Variants in U2SURP observed in about 807,000 individuals in gnomAD.
U2SURP encodes the protein U2 snRNP associated SURP domain containing, also known as U2 snRNP-associated SURP motif-containing protein.
U2SURP carries 9 observed loss-of-function variants against 144.9 expected under a neutral mutation model. The observed-to-expected ratio is 0.06, with a 90% confidence interval of 0.04 to 0.11. The LOEUF is 0.11. Among genes scored for constraint, U2SURP ranks in the 10% least tolerant of loss-of-function variants. The pLI is 1.00. For synonymous variants in U2SURP, 408 were observed against 396.8 expected (o/e 1.03, Z -0.33); for missense variants, 724 against 1,226.7 (o/e 0.59, Z 6.12).
chr3:143,022,033 G>A (rs1936662052), intron 10 of U2SURP, among the ~76,000 whole-genome samples: 1 of 152,140 alleles, frequency 6.6e-6, no homozygotes, highest in African/African-American at 2.4e-5. Context: ...ACTGTTACCT[G>A]TTTTCTCTGC....
In U2SURP at chr3:143,056,519, TAAAAAAAC is replaced by T; in HGVS notation, c.*76_*83del. The T allele has an allele frequency of 6.4e-7, 1 of 1,554,862 alleles. No homozygotes were observed. Among genetic ancestry groups the T allele is most frequent in the Non-Finnish European group, 8.7e-7 (1 of 1,152,280 alleles). On this transcript the variant is annotated 3_prime_UTR_variant, in exon 28 of 28. Coordinates refer to ENST00000473835, the MANE Select transcript of U2SURP (RefSeq NM_001080415.2). ...TTTTGTGCCTGAACGGTCTGTTTTT[TAAAAAAAC>T]AAAAAATCAAATGAAAGAGCATTCC...
chr3:143,042,234 G>T (rs1195466487), intron 23 of U2SURP, among the ~76,000 whole-genome samples: 1 of 152,020 alleles, frequency 6.6e-6, no homozygotes, highest in Non-Finnish European at 1.5e-5. Flanking sequence ...GCAACTTTCA[G>T]AATCAACTGA....
rs540962371 is a variant in U2SURP, at chr3:143,010,669, A to G, written c.46-146A>G. 985 of 486,906 alleles carry G rather than the reference A, an allele frequency of 2.0e-3. 4 individuals are homozygous for G. The highest frequency in any genetic ancestry group is 1.8e-3 in the Non-Finnish European group (498 of 277,040). The allele number at this position is 486,906 out of a possible 1,614,324, so 30.2% of individuals were successfully genotyped here. ...TTACTTTGTATCACAATCTTTTCAT[A>G]AGTCAGAGACTGCCTTTGCTCAGTT... On this transcript the variant is annotated intron_variant, in intron 1 of 27. Coordinates refer to ENST00000473835, the MANE Select transcript of U2SURP (RefSeq NM_001080415.2).
intron 22 of U2SURP, 92 bp downstream of exon 22, chr3:143,038,295 T>C (rs1933918572): frequency 1.1e-6 from 1 of 904,736 alleles, no homozygotes; most frequent in African/African-American, 1.7e-5. Context: ...TTATGTTTTA[T>C]AACACGTTTT....
chr3:143,031,246 A>G lies in U2SURP; in HGVS notation c.1611-1538A>G, dbSNP rs565378755. On this transcript the variant is annotated intron_variant, in intron 16 of 27. Coordinates refer to ENST00000473835, the MANE Select transcript of U2SURP (RefSeq NM_001080415.2). ...TATATATAAAGTTAGTTGATAAAGTAGTACAGGGTTTGAGAGGATTGACTA... is the reference window on the plus strand; with the variant it reads ...TATATATAAAGTTAGTTGATAAAGTGGTACAGGGTTTGAGAGGATTGACTA... Among the ~76,000 whole-genome samples the G allele has an allele frequency of 2.1e-3, 322 of 152,370 alleles. 2 individuals are homozygous for G. The highest frequency in any genetic ancestry group is 7.4e-3 in the African/African-American group (306 of 41,588).
In U2SURP at chr3:143,016,427, C is replaced by T. The variant is rs887824364; in HGVS notation, c.436+56C>T. ...GCATAACTGTATTACAGTTTTTGAG[C>T]GAGCCCCATCTTGGTTGAATGACTG... On this transcript the variant is annotated intron_variant, in intron 5 of 27. Transcript: ENST00000473835. 2.0e-5 allele frequency: 29 copies of T among 1,461,080 alleles called. No homozygotes were observed. The African/African-American group carries it at 2.6e-4, about 13-fold the overall frequency. The allele number at this position is 1,461,080 out of a possible 1,614,324, so 90.5% of individuals were successfully genotyped here.
intron 19 of U2SURP, 96 bp downstream of exon 19, chr3:143,035,071 C>A: frequency 1.7e-6 from 1 of 596,524 alleles, no homozygotes; most frequent in South Asian, 3.8e-5. Flanking sequence ...AAGTATGAGA[C>A]ATAAATTTAA....
chr3:143,037,263 G>A lies in U2SURP; in HGVS notation c.2149G>A (p.Asp717Asn), dbSNP rs1933861439. 1.9e-6 allele frequency: 3 copies of A among 1,612,622 alleles called. No individual in the cohort carries two copies. The highest frequency in any genetic ancestry group is 1.3e-5 in the African/African-American group (1 of 75,006). The change falls in exon 21 of 28, where the codon GAT becomes AAT. Residue 717 changes from aspartate to asparagine, a missense_variant. Transcript: ENST00000473835. ...GGAAGATGTAGATGGAATTCCTATT[G>A]ATGCTACTCCCATCGATGATCTTGA... ...PLEDVDGIPI[D>N]ATPIDDLDGV...
In U2SURP at chr3:143,012,677, T is replaced by TG; in HGVS notation, c.222+326dup. On this transcript the variant is annotated intron_variant, in intron 3 of 27. Coordinates refer to ENST00000473835, the MANE Select transcript of U2SURP (RefSeq NM_001080415.2). ...GAACCAAGTGCGAAATACCAGTTAC[T>TG]GGAAATGCACAGATCATTGAAACAC... Among the ~76,000 whole-genome samples the TG allele has an allele frequency of 1.3e-5, 2 of 152,322 alleles. 1 individual carries two copies. Among genetic ancestry groups the TG allele is most frequent in the South Asian group, 4.1e-4 (2 of 4,832 alleles).
intron 25 of U2SURP, among the ~76,000 whole-genome samples, chr3:143,051,612 A>G (rs1432704540): frequency 6.6e-6 from 1 of 151,092 alleles, no homozygotes; most frequent in Non-Finnish European, 1.5e-5. Flanking sequence ...CAAAAAAAAA[A>G]AAAAAAAAAG....
chr3:143,009,612 A>G (rs1201472546), intron 1 of U2SURP, among the ~76,000 whole-genome samples: 1 of 151,850 alleles, frequency 6.6e-6, no homozygotes, highest in Non-Finnish European at 1.5e-5. Flanking sequence ...AAAAAAAAAA[A>G]TGAAAGAAAG....
At chr3:143,038,861 G>C in intron 22 of U2SURP, 33 bp from the exon 23 acceptor site, 1 of 1,492,084 alleles carries the variant, frequency 6.7e-7, no homozygotes, top group East Asian at 2.6e-5. Context: ...AGTTTACCTC[G>C]TGGAATTACA....
At chr3:143,028,248 T>C in intron 14 of U2SURP, 92 bp from the exon 15 acceptor site, 1 of 1,394,258 alleles carries the variant, frequency 7.2e-7, no homozygotes, top group Admixed American at 2.2e-5. Flanking sequence ...TAGAACTAAA[T>C]AGGCAAATAA....
intron 23 of U2SURP, among the ~76,000 whole-genome samples, 155 bp downstream of exon 23, chr3:143,039,115 A>C (rs1933963715): frequency 6.6e-6 from 1 of 151,978 alleles, no homozygotes; most frequent in Admixed American, 6.6e-5. Flanking sequence ...TTTCCAGTGA[A>C]TAAAGAGCTT....
chr3:143,015,905 G>A (rs1490130760), intron 4 of U2SURP, among the ~76,000 whole-genome samples: 1 of 152,054 alleles, frequency 6.6e-6, no homozygotes, highest in African/African-American at 2.4e-5. Flanking sequence ...TATATTCACT[G>A]AATTAAATCA....
chr3:143,002,946 C>CAA (rs1292301029), intron 1 of U2SURP, among the ~76,000 whole-genome samples: 1 of 152,162 alleles, frequency 6.6e-6, no homozygotes, highest in Non-Finnish European at 1.5e-5. Flanking sequence ...GGGGCGAGCT[C>CAA]TACCAACTCT....
At chr3:143,030,454 C>T (rs1032326821) in intron 16 of U2SURP, among the ~76,000 whole-genome samples, 1 of 152,182 alleles carries the variant, frequency 6.6e-6, no homozygotes, top group Non-Finnish European at 1.5e-5. Flanking sequence ...TTTAAGCCCA[C>T]TGTTGAGACC....
chr3:143,052,522 A>G (rs1011272734), intron 25 of U2SURP, among the ~76,000 whole-genome samples: 9 of 152,232 alleles, frequency 5.9e-5, no homozygotes, highest in African/African-American at 2.2e-4. Context: ...GTCTCCTTTG[A>G]TTATAATTGG....
chr3:143,040,756 T>C (rs9876889), intron 23 of U2SURP, among the ~76,000 whole-genome samples: 5,544 of 151,884 alleles, frequency 0.037, 290 homozygotes, highest in African/African-American at 0.11. Context: ...TTGAAAAAAT[T>C]ATAATAGCAA....
Sources: allele counts gnomAD v4.1 joint callset (sites outside exome capture counted in the v4.1 genomes callset), GRCh38; gene constraint gnomAD v4.1.1; transcripts MANE v1.5; gene names NCBI Gene and HGNC (gene_info 2026-07-23, HGNC 2026-07-21).